MARCHF1: variants seen among roughly 807,000 people sequenced by gnomAD.
MARCHF1 encodes membrane associated ring-CH-type finger 1, also known as E3 ubiquitin-protein ligase MARCHF1.
In MARCHF1, 40 loss-of-function variants were observed where a neutral mutation model predicts 54.2. That is an observed-to-expected ratio of 0.74 (90% CI 0.57 to 0.96). MARCHF1 has a LOEUF of 0.96. Among genes scored for constraint, MARCHF1 ranks in the 40% least tolerant of loss-of-function variants. The pLI is 0.00. For synonymous variants in MARCHF1, 236 were observed against 236.3 expected (o/e 1.00, Z 0.01); for missense variants, 586 against 656.5 (o/e 0.89, Z 1.17).
At chr4:164,172,538 T>G (rs1463680467) in intron 1 of MARCHF1, among the ~76,000 whole-genome samples, 1 of 152,162 alleles carries the variant, frequency 6.6e-6, no homozygotes, top group Non-Finnish European at 1.5e-5. Flanking sequence ...TTCATTATCT[T>G]GATCCCCACA....
intron 5 of MARCHF1, among the ~76,000 whole-genome samples, chr4:163,649,661 CA>C (rs527739248): frequency 6.6e-4 from 100 of 151,752 alleles, no homozygotes; most frequent in South Asian, 1.2e-3. Flanking sequence ...ACAGAACACA[CA>C]AAAAAAACCG....
intron 5 of MARCHF1, among the ~76,000 whole-genome samples, chr4:163,636,273 G>C (rs1430013583): frequency 6.7e-6 from 1 of 149,784 alleles, no homozygotes; most frequent in African/African-American, 2.4e-5. Flanking sequence ...GGAAATAAAG[G>C]GTATTCAATT....
At chr4:163,877,915 T>C (rs1205064102) in intron 3 of MARCHF1, among the ~76,000 whole-genome samples, 1 of 152,182 alleles carries the variant, frequency 6.6e-6, no homozygotes, top group Non-Finnish European at 1.5e-5. Flanking sequence ...ATGGCCTTTA[T>C]GTGGGGGTGA....
At chr4:163,827,621 T>G (rs2111080633) in intron 4 of MARCHF1, among the ~76,000 whole-genome samples, 1 of 152,286 alleles carries the variant, frequency 6.6e-6, no homozygotes, top group Non-Finnish European at 1.5e-5. Flanking sequence ...GTCACATGGT[T>G]AGCATCAATA....
intron 2 of MARCHF1, among the ~76,000 whole-genome samples, chr4:164,086,074 T>C (rs965146027): frequency 1.3e-5 from 2 of 151,874 alleles, no homozygotes; most frequent in African/African-American, 4.8e-5. Flanking sequence ...TCCCAAATAA[T>C]GTTTTGTTGG....
intron 8 of MARCHF1, among the ~76,000 whole-genome samples, chr4:163,556,387 A>G (rs1282455805): frequency 6.6e-6 from 1 of 152,208 alleles, no homozygotes; most frequent in African/African-American, 2.4e-5. Flanking sequence ...AAATAAAAAG[A>G]GAATCTTTTT....
chr4:163,780,235 T>C (rs1331533261), intron 4 of MARCHF1, among the ~76,000 whole-genome samples: 1 of 152,210 alleles, frequency 6.6e-6, no homozygotes, highest in African/African-American at 2.4e-5. Context: ...GGAATCTTCC[T>C]TAATGCCTTT....
Position 164,224,452 on chromosome 4 carries a change from T to A in MARCHF1, c.-322-112790A>T, listed in dbSNP as rs943291438. 5.9e-5 allele frequency among the ~76,000 whole-genome samples: 9 copies of A among 151,890 alleles called. No homozygotes were observed. The South Asian group carries it at 1.2e-3, about 21-fold the overall frequency. On this transcript the variant is annotated intron_variant, in intron 1 of 9. Transcript: ENST00000514618. ...ATTTGAATTTAAATCTTCTCTTTTT[T>A]AAAAAATCTCTACCCAAACTCCTAC... is the stretch of plus-strand genomic sequence containing the variant.
chr4:163,774,969 A>G lies in MARCHF1; in HGVS notation c.112-74106T>C, dbSNP rs143752751. ...AAGGCTGCTTCAAGATTCCCCCTAA[A>G]GAAAGGTCATGTCACGTCACTTCTC... On this transcript the variant is annotated intron_variant, in intron 4 of 9. Transcript: ENST00000514618. 7.7e-3 allele frequency among the ~76,000 whole-genome samples: 1,167 copies of G among 152,264 alleles called. 12 individuals carry two copies. Among genetic ancestry groups the G allele is most frequent in the African/African-American group, 0.027 (1,101 of 41,546 alleles).
chr4:163,664,997 A>C (rs1579173636), intron 5 of MARCHF1, among the ~76,000 whole-genome samples: 1 of 152,086 alleles, frequency 6.6e-6, no homozygotes, highest in African/African-American at 2.4e-5. Context: ...ATAGTCACAA[A>C]ATACAATTTT....
At chr4:164,164,394 CAA>C (rs1730316209) in intron 1 of MARCHF1, among the ~76,000 whole-genome samples, 1 of 151,574 alleles carries the variant, frequency 6.6e-6, no homozygotes. Context: ...TCAGGAATGA[CAA>C]AATGGCATAA....
chr4:163,809,165 C>T (rs974171096), intron 4 of MARCHF1, among the ~76,000 whole-genome samples: 7 of 152,058 alleles, frequency 4.6e-5, no homozygotes, highest in Non-Finnish European at 8.8e-5. Flanking sequence ...CTTTAAAATG[C>T]TTTGGTATTG....
In MARCHF1 at chr4:164,204,976, T is replaced by C. The variant is rs72691838; in HGVS notation, c.-322-93314A>G. ...TAGTATAAACAGTTAAATAAAATAG[T>C]ATTCAATTATTTTTAAACTAAAATG... On this transcript the variant is annotated intron_variant, in intron 1 of 9. Transcript: ENST00000514618. Among the ~76,000 whole-genome samples the C allele has an allele frequency of 2.3e-3, 351 of 152,338 alleles. 1 individual carries two copies. The highest frequency in any genetic ancestry group is 4.1e-3 in the Non-Finnish European group (282 of 68,018).
chr4:163,652,451 G>C (rs1342811004), intron 5 of MARCHF1, among the ~76,000 whole-genome samples: 1 of 151,818 alleles, frequency 6.6e-6, no homozygotes, highest in Non-Finnish European at 1.5e-5. Context: ...TCTCCTGGAA[G>C]AGTGACTTTG....
At chr4:164,154,951 G>A (rs1730038457) in intron 1 of MARCHF1, among the ~76,000 whole-genome samples, 1 of 152,138 alleles carries the variant, frequency 6.6e-6, no homozygotes, top group South Asian at 2.1e-4. Context: ...GAATGGAGTG[G>A]GAAAATGATC....
At chr4:164,228,879 A>G (rs1732331386) in intron 1 of MARCHF1, among the ~76,000 whole-genome samples, 1 of 152,222 alleles carries the variant, frequency 6.6e-6, no homozygotes, top group South Asian at 2.1e-4. Flanking sequence ...CCAGATAATG[A>G]TCACATTGTA....
At chr4:163,538,328 A>T (rs5863615) in intron 9 of MARCHF1, among the ~76,000 whole-genome samples, 2,340 of 107,660 alleles carry the variant, frequency 0.022, 191 homozygotes, top group Admixed American at 0.18. Flanking sequence ...AAATTTATAA[A>T]TTTTTTTTTT....
chr4:163,935,631 AG>A (rs1370041252), intron 3 of MARCHF1, among the ~76,000 whole-genome samples: 7 of 151,412 alleles, frequency 4.6e-5, no homozygotes, highest in Admixed American at 4.6e-4. Context: ...AGAATGTTGT[AG>A]ATAATTGATC....
intron 1 of MARCHF1, among the ~76,000 whole-genome samples, chr4:164,181,159 A>T (rs1350652219): frequency 6.6e-6 from 1 of 152,046 alleles, no homozygotes; most frequent in East Asian, 1.9e-4. Context: ...TTAGCTCCTC[A>T]TACCCACCAA....
Sources: gnomAD v4.1 joint callset for allele counts (sites outside exome capture counted in the v4.1 genomes callset) on GRCh38, gnomAD v4.1.1 for gene constraint, MANE v1.5 for transcripts, NCBI Gene and HGNC (gene_info 2026-07-23, HGNC 2026-07-21) for gene names.